TNKS: variants seen among roughly 807,000 people sequenced by gnomAD.
The protein encoded by TNKS is poly [ADP-ribose] polymerase tankyrase-1.
In TNKS, 72 loss-of-function variants were observed where a neutral mutation model predicts 135.8. That is an observed-to-expected ratio of 0.53 (90% CI 0.44 to 0.64). The LOEUF is 0.64. Ranked by LOEUF, TNKS falls within the 30% of genes least tolerant of loss-of-function variation. The pLI, the probability that TNKS is intolerant of heterozygous loss-of-function variation, is 0.00. For missense variants in TNKS, 1,769 were observed against 1,674.0 expected (o/e 1.06, Z -0.99); for synonymous variants, 849 against 649.3 (o/e 1.31, Z -4.68).
At chr8:9,764,153 A>C (rs960804148) in intron 22 of TNKS, among the ~76,000 whole-genome samples, 2 of 152,102 alleles carry the variant, frequency 1.3e-5, no homozygotes, top group African/African-American at 4.8e-5. Context: ...TTCTCTGAGA[A>C]ACTTAGATCT....
At chr8:9,644,862 AG>A (rs1485718087) in intron 3 of TNKS, among the ~76,000 whole-genome samples, 2 of 152,090 alleles carry the variant, frequency 1.3e-5, no homozygotes, top group Admixed American at 6.6e-5. Flanking sequence ...TTTCATTTTT[AG>A]TACAGTATTC....
intron 20 of TNKS, among the ~76,000 whole-genome samples, chr8:9,759,989 A>G (rs1353898250): frequency 2.7e-5 from 4 of 148,750 alleles, no homozygotes; most frequent in Non-Finnish European, 4.5e-5. Context: ...AAAGAAAACA[A>G]AACAAAAAAA....
chr8:9,686,179 GT>G (rs1802988019), intron 5 of TNKS, among the ~76,000 whole-genome samples: 1 of 152,166 alleles, frequency 6.6e-6, no homozygotes, highest in African/African-American at 2.4e-5. Flanking sequence ...GCAGCTGCTA[GT>G]TTCTTTTTTT....
chr8:9,673,491 C>T (rs1446754514), intron 3 of TNKS, among the ~76,000 whole-genome samples: 3 of 138,314 alleles, frequency 2.2e-5, no homozygotes, highest in Non-Finnish European at 4.5e-5. Flanking sequence ...GTTGCCCAGG[C>T]TGGAGTGCAG....
chr8:9,727,370 A>G (rs189490117), intron 13 of TNKS, among the ~76,000 whole-genome samples: 4 of 152,294 alleles, frequency 2.6e-5, no homozygotes, highest in Admixed American at 6.5e-5. Context: ...CCCATCTATA[A>G]TCATTCACTT....
At chr8:9,571,177 A>G (rs1326984688) in intron 1 of TNKS, among the ~76,000 whole-genome samples, 1 of 152,174 alleles carries the variant, frequency 6.6e-6, no homozygotes, top group Admixed American at 6.5e-5. Flanking sequence ...AGGAAGCTAC[A>G]CCAAAAACTA....
In TNKS at chr8:9,556,138, G is replaced by C. The variant is rs770725238; in HGVS notation, c.199G>C (p.Glu67Gln). Reference sequence around the variant, plus strand: ...CCCGCGGCACGGCCTAGCGCTGCCGGAGGGGGATGGCAGTCGGGATCCGCC... The same window carrying C: ...CCCGCGGCACGGCCTAGCGCTGCCGCAGGGGGATGGCAGTCGGGATCCGCC... ...ASPRHGLALPEGDGSRDPPDR... is the reference protein window; with the variant it reads ...ASPRHGLALPQGDGSRDPPDR... Residue 67 changes from glutamate to glutamine, a missense_variant, in exon 1 of 27, where the codon GAG becomes CAG. This residue lies in a region of TNKS where 450 missense variants were observed against 304.9 expected (regional missense o/e 1.48). Transcript: ENST00000310430. 19 of 1,607,060 alleles carry C rather than the reference G, an allele frequency of 1.2e-5. No individual in the cohort carries two copies. The highest frequency in any genetic ancestry group is 1.4e-5 in the Non-Finnish European group (17 of 1,176,644).
At chr8:9,579,240 C>G (rs1798072954) in intron 1 of TNKS, among the ~76,000 whole-genome samples, 1 of 152,260 alleles carries the variant, frequency 6.6e-6, no homozygotes, top group East Asian at 1.9e-4. Flanking sequence ...CTAAGTGAAT[C>G]CAAGCTTGAA....
chr8:9,571,986 GGTTAA>G (rs1797774836), intron 1 of TNKS, among the ~76,000 whole-genome samples: 1 of 152,060 alleles, frequency 6.6e-6, no homozygotes. Flanking sequence ...TCCCAGACTT[GGTTAA>G]GTTTTCTTTG....
chr8:9,726,742 C>A (rs1373495708), intron 13 of TNKS, 22 bp downstream of exon 13: 12 of 1,578,682 alleles, frequency 7.6e-6, no homozygotes, highest in Admixed American at 1.7e-5. Flanking sequence ...CCCTTAATAT[C>A]TGGAATAGCA....
intron 13 of TNKS, among the ~76,000 whole-genome samples, 194 bp downstream of exon 13, chr8:9,726,914 ATG>A (rs1202121215): frequency 6.6e-6 from 1 of 152,206 alleles, no homozygotes; most frequent in African/African-American, 2.4e-5. Context: ...TTGTATATAT[ATG>A]TGTGTGTATG....
intron 20 of TNKS, among the ~76,000 whole-genome samples, chr8:9,753,642 T>C (rs1032683621): frequency 2.0e-5 from 3 of 152,190 alleles, no homozygotes; most frequent in Non-Finnish European, 4.4e-5. Context: ...TTGATATACA[T>C]GAAATTTAAG....
At chr8:9,634,239 T>C (rs1800415863) in intron 3 of TNKS, among the ~76,000 whole-genome samples, 1 of 151,946 alleles carries the variant, frequency 6.6e-6, no homozygotes, top group South Asian at 2.1e-4. Context: ...ATAATTTTAA[T>C]TTCTGGAGGC....
At chr8:9,735,304 T>A (rs1185515322) in intron 16 of TNKS, 73 bp from the exon 17 acceptor site, 1 of 1,378,504 alleles carries the variant, frequency 7.3e-7, no homozygotes. Context: ...CATTTTCTGG[T>A]CCTTATTACA....
At chr8:9,607,231 A>G (rs1799260605) in intron 2 of TNKS, among the ~76,000 whole-genome samples, 2 of 152,196 alleles carry the variant, frequency 1.3e-5, no homozygotes, top group African/African-American at 4.8e-5. Context: ...AAATAATCCT[A>G]AGAGTGGAAT....
Position 9,660,623 on chromosome 8 carries a change from C to T in TNKS, c.995-19328C>T, listed in dbSNP as rs1409255040. Among the ~76,000 whole-genome samples, 3 of 152,164 alleles carry T rather than the reference C, an allele frequency of 2.0e-5. No individual in the cohort carries two copies. In the East Asian group the frequency reaches 5.8e-4, roughly 29 times the overall value. ...GAGCTATCTATGACAAACCCACAGC[C>T]AATATCATACTGAATGGACAAAAAC... On this transcript the variant is annotated intron_variant, in intron 3 of 26. Transcript: ENST00000310430.
At position 9,751,723 on chromosome 8, in the gene TNKS, C is replaced by G. The variant is rs200672279; in HGVS notation, c.2947C>G (p.Pro983Ala). ...CTCTCTGATCTCACCAGCATCCACC[C>G]CCTCCTGCCTCTCGGCTGCCAGCAG... ...SASLISPAST[P>A]SCLSAASSID... is the part of the protein sequence containing the mutation. The change falls in exon 19 of 27, where the codon CCC becomes GCC. Residue 983 changes from proline to alanine, a missense_variant. Transcript: ENST00000310430. 10 of 1,614,070 alleles carry G rather than the reference C, an allele frequency of 6.2e-6. No homozygotes were observed. Among genetic ancestry groups the G allele is most frequent in the South Asian group, 2.2e-5 (2 of 91,090 alleles).
intron 11 of TNKS, among the ~76,000 whole-genome samples, chr8:9,716,571 G>A (rs1804609874): frequency 6.6e-6 from 1 of 152,108 alleles, no homozygotes; most frequent in South Asian, 2.1e-4. Context: ...AGAAATATGT[G>A]TAAGAATTGT....
At chr8:9,764,249 A>G (rs1440258115) in intron 22 of TNKS, among the ~76,000 whole-genome samples, 1 of 152,060 alleles carries the variant, frequency 6.6e-6, no homozygotes, top group Non-Finnish European at 1.5e-5. Flanking sequence ...CATTATAGTC[A>G]ATGTCCCCTG....
Sources: allele counts gnomAD v4.1 joint callset (sites outside exome capture counted in the v4.1 genomes callset), GRCh38; gene constraint gnomAD v4.1.1; regional missense constraint gnomAD v4.1.1; transcripts MANE v1.5; gene names NCBI Gene and HGNC (gene_info 2026-07-23, HGNC 2026-07-21).